The following AFF1 variants were observed in gnomAD, a reference collection of about 807,000 sequenced individuals.
AFF1 encodes the protein ALF transcription elongation factor 1.
AFF1 carries 48 observed loss-of-function variants against 121.7 expected under a neutral mutation model. The observed-to-expected ratio is 0.39, with a 90% CI of 0.31 to 0.50. AFF1 has a LOEUF of 0.50. Ranked by LOEUF, AFF1 falls within the 20% of genes least tolerant of loss-of-function variation. The probability of loss-of-function intolerance (pLI) is 0.76; values close to 1 mark genes in which losing one functional copy is unlikely to be tolerated. For synonymous variants in AFF1, 613 were observed against 563.0 expected, an observed-to-expected ratio of 1.09 and a Z score of -1.26; for missense variants, 1,523 against 1,511.7, an observed-to-expected ratio of 1.01 and a Z score of -0.12.
At chr4:87,079,985 TAGAA>T (rs989102626) in intron 4 of AFF1, among the ~76,000 whole-genome samples, 11 of 152,150 alleles carry the variant, frequency 7.2e-5, no homozygotes, top group Admixed American at 2.0e-4. Context: ...GATAATAACA[TAGAA>T]AGAGTTTAAT....
intron 2 of AFF1, among the ~76,000 whole-genome samples, chr4:86,996,106 GGTCAGGCCCCCGCC>G (rs1725163746): frequency 6.6e-6 from 1 of 151,064 alleles, no homozygotes; most frequent in African/African-American, 2.4e-5. Context: ...GAGGTGGGGG[GGTCAGGCCCCCGCC>G]CGGCCAGCCG....
chr4:87,122,343 T>TC (rs1727775052), intron 12 of AFF1, among the ~76,000 whole-genome samples: 1 of 152,224 alleles, frequency 6.6e-6, no homozygotes. Flanking sequence ...CCCCATCATT[T>TC]CCAATTGATT....
intron 11 of AFF1, among the ~76,000 whole-genome samples, chr4:87,109,158 A>G (rs1246804983): frequency 6.6e-6 from 1 of 152,200 alleles, no homozygotes; most frequent in East Asian, 1.9e-4. Flanking sequence ...AAATTATTCC[A>G]TGTATTTAAT....
intron 2 of AFF1, among the ~76,000 whole-genome samples, chr4:87,004,237 G>T (rs59830245): frequency 0.039 from 5,883 of 152,184 alleles, 191 homozygotes; most frequent in African/African-American, 0.092. Flanking sequence ...TTAAAAGAAG[G>T]CTCGATGAGT....
At chr4:87,108,486 T>C (rs1726151417) in intron 11 of AFF1, among the ~76,000 whole-genome samples, 171 bp downstream of exon 11, 1 of 152,200 alleles carries the variant, frequency 6.6e-6, no homozygotes, top group Non-Finnish European at 1.5e-5. Flanking sequence ...ATTTATTTGC[T>C]TCTTACCAAA....
At chr4:86,973,073 G>A (rs1041213358) in intron 2 of AFF1, among the ~76,000 whole-genome samples, 5 of 152,140 alleles carry the variant, frequency 3.3e-5, no homozygotes, top group African/African-American at 4.8e-5. Context: ...TTGTGTGTGT[G>A]GGGAGGGGGT....
intron 2 of AFF1, among the ~76,000 whole-genome samples, chr4:87,044,591 G>A (rs1320466495): frequency 6.6e-6 from 1 of 152,194 alleles, no homozygotes; most frequent in Admixed American, 6.5e-5. Context: ...GGAGAGAGAA[G>A]CAGTGGAAAT....
rs188272995 is a variant in AFF1 at position 86,992,094 on chromosome 4, A to C, written c.38+43523A>C. Among the ~76,000 whole-genome samples, 36 of 152,242 alleles carry C rather than the reference A, an allele frequency of 2.4e-4. No individual in the cohort carries two copies. The East Asian group carries it at 2.9e-3, about 12-fold the overall frequency. On this transcript the variant is annotated intron_variant, in intron 2 of 20. Coordinates refer to ENST00000395146, the MANE Select transcript of AFF1 (RefSeq NM_001166693.3). Reference sequence around the variant, plus strand: ...CCAAAGGCTTGTAAAAAGTCATAGGATTCTATGACTGCTTCCTCAAGAGTG... The same window carrying C: ...CCAAAGGCTTGTAAAAAGTCATAGGCTTCTATGACTGCTTCCTCAAGAGTG...
At chr4:87,040,147 G>A (rs938260256) in intron 2 of AFF1, among the ~76,000 whole-genome samples, 2 of 152,062 alleles carry the variant, frequency 1.3e-5, no homozygotes, top group African/African-American at 4.8e-5. Flanking sequence ...CTCCCACCTC[G>A]GCCTCCCAAA....
In AFF1 at chr4:86,948,584, T is replaced by A. The variant is rs1721033788; in HGVS notation, c.38+13T>A. ...GCAGTGGCAACAGGTAAGCATAGAA[T>A]CTATGATTCAAAGACATGCTGATAT... On this transcript the variant is annotated intron_variant, in intron 2 of 20. Transcript: ENST00000395146. 1 of 1,534,326 alleles carries A rather than the reference T, an allele frequency of 6.5e-7. No homozygotes were observed. The highest frequency in any genetic ancestry group is 8.7e-7 in the Non-Finnish European group (1 of 1,144,758).
chr4:87,014,775 C>A (rs1727139276), intron 2 of AFF1, among the ~76,000 whole-genome samples: 1 of 152,208 alleles, frequency 6.6e-6, no homozygotes, highest in Admixed American at 6.5e-5. Context: ...TAAATTGCTT[C>A]TCCCCCACTT....
At chr4:87,084,669 G>A (rs1723543120) in intron 5 of AFF1, among the ~76,000 whole-genome samples, 1 of 152,032 alleles carries the variant, frequency 6.6e-6, no homozygotes, top group Admixed American at 6.5e-5. Context: ...ATCTCCAAAG[G>A]CAAAAATAAA....
intron 2 of AFF1, among the ~76,000 whole-genome samples, chr4:87,026,306 A>G (rs1728531716): frequency 6.6e-6 from 1 of 152,176 alleles, no homozygotes; most frequent in Non-Finnish European, 1.5e-5. Flanking sequence ...CATGTTGGCC[A>G]GGCTGGTCTT....
chr4:87,059,155 G>A (rs1294718756), intron 4 of AFF1, among the ~76,000 whole-genome samples: 2 of 152,152 alleles, frequency 1.3e-5, no homozygotes, highest in African/African-American at 2.4e-5. Flanking sequence ...CGTTGCTCAC[G>A]AACACCAGAG....
intron 11 of AFF1, 132 bp downstream of exon 11, chr4:87,108,447 T>C: frequency 1.0e-6 from 1 of 953,052 alleles, no homozygotes; most frequent in Non-Finnish European, 1.5e-6. Flanking sequence ...GCTTTCCTGC[T>C]CCTATGCTGT....
chr4:87,040,562 C>CA (rs1730028993), intron 2 of AFF1, among the ~76,000 whole-genome samples: 1 of 139,654 alleles, frequency 7.2e-6, no homozygotes, highest in African/African-American at 2.9e-5. Flanking sequence ...AATCCCCTCA[C>CA]CCTTTTTTTT....
rs534248729 is a variant in AFF1, at chr4:87,011,427, G to GT, written c.39-34735dup. On this transcript the variant is annotated intron_variant, in intron 2 of 20. Transcript: ENST00000395146. ...ATCTCTTTGACTCTAGGGAGGGAAA[G>GT]TTTTCCATTGCAAAAAGCAATGCTC... Among the ~76,000 whole-genome samples the GT allele has an allele frequency of 2.6e-3, 391 of 152,272 alleles. 5 individuals carry two copies. The highest frequency in any genetic ancestry group is 8.2e-3 in the African/African-American group (341 of 41,560).
intron 2 of AFF1, among the ~76,000 whole-genome samples, chr4:87,035,600 G>A (rs1729491412): frequency 6.6e-6 from 1 of 151,924 alleles, no homozygotes; most frequent in Admixed American, 6.5e-5. Context: ...TAGTCCTGTA[G>A]GCACCAGGGC....
At chr4:86,978,865 T>C (rs919313932) in intron 2 of AFF1, among the ~76,000 whole-genome samples, 2 of 152,210 alleles carry the variant, frequency 1.3e-5, no homozygotes, top group African/African-American at 2.4e-5. Flanking sequence ...CCCACCATAA[T>C]TTTCTAGCAC....
Sources: allele counts gnomAD v4.1 joint callset (sites outside exome capture counted in the v4.1 genomes callset), GRCh38; gene constraint gnomAD v4.1.1; transcripts MANE v1.5; gene names NCBI Gene and HGNC (gene_info 2026-07-23, HGNC 2026-07-21).